Variants in ARHGEF10 observed in about 807,000 individuals in gnomAD.
The protein encoded by ARHGEF10 is Rho guanine nucleotide exchange factor (GEF) 10.
ARHGEF10 carries 140 observed loss-of-function variants against 147.4 expected under a neutral mutation model. That is an observed-to-expected ratio of 0.95 (90% confidence interval 0.83 to 1.09). ARHGEF10 has a LOEUF of 1.09. Ranked by LOEUF, ARHGEF10 falls within the 50% of genes least tolerant of loss-of-function variation. ARHGEF10 has a pLI of 0.00. For missense variants in ARHGEF10, 2,222 were observed against 1,752.7 expected (o/e 1.27, Z -4.78); for synonymous variants, 902 against 695.8 (o/e 1.30, Z -4.67).
chr8:1,889,632 T>C (rs1464107040), intron 11 of ARHGEF10, among the ~76,000 whole-genome samples: 49 of 47,952 alleles, frequency 1.0e-3, no homozygotes, highest in East Asian at 3.2e-3. Flanking sequence ...TGAGGAGTCA[T>C]GGAGTGTGGT....
At chr8:1,939,691 G>A (rs988012317) in intron 26 of ARHGEF10, among the ~76,000 whole-genome samples, 1 of 152,252 alleles carries the variant, frequency 6.6e-6, no homozygotes, top group Non-Finnish European at 1.5e-5. Flanking sequence ...ACCTCAGAGA[G>A]GGAGAGATGC....
At chr8:1,836,030 A>C (rs1803557558) in intron 1 of ARHGEF10, among the ~76,000 whole-genome samples, 1 of 151,872 alleles carries the variant, frequency 6.6e-6, no homozygotes, top group Admixed American at 6.6e-5. Context: ...AAATACAAAA[A>C]ATTAGCCAGG....
intron 3 of ARHGEF10, among the ~76,000 whole-genome samples, chr8:1,859,616 A>G (rs1805923370): frequency 6.6e-6 from 1 of 151,490 alleles, no homozygotes; most frequent in Admixed American, 6.6e-5. Context: ...TGGTGAGGGG[A>G]GCAGCTGCCC....
At position 1,937,210 on chromosome 8, in the gene ARHGEF10, G is replaced by A. The variant is rs534264990; in HGVS notation, c.3222+3268G>A. ...ATCCATCTGACACTTCTTATTTCAC[G>A]TGCCCTGAGAATGAGAAGCCTTCAG... On this transcript the variant is annotated intron_variant, in intron 26 of 28. Transcript: ENST00000349830. This position sits in a 1 kb window ranked among gnomAD's most constrained non-coding sequence, Gnocchi z 4.9. Among the ~76,000 whole-genome samples the A allele has an allele frequency of 6.6e-5, 10 of 152,208 alleles. No individual in the cohort carries two copies. Among genetic ancestry groups the A allele is most frequent in the East Asian group, 5.8e-4 (3 of 5,170 alleles).
At chr8:1,884,556 G>A (rs1808496183) in intron 10 of ARHGEF10, among the ~76,000 whole-genome samples, 1 of 152,136 alleles carries the variant, frequency 6.6e-6, no homozygotes, top group African/African-American at 2.4e-5. Flanking sequence ...TCCTTCCCTG[G>A]CTGATCCGTT....
intron 27 of ARHGEF10, among the ~76,000 whole-genome samples, chr8:1,949,468 G>A (rs1434937152): frequency 6.6e-6 from 1 of 152,174 alleles, no homozygotes; most frequent in African/African-American, 2.4e-5. Context: ...CGGCGCCTCA[G>A]CTTTTAGGTT....
At chr8:1,901,285 G>T (rs1348368543) in intron 15 of ARHGEF10, among the ~76,000 whole-genome samples, 1 of 152,002 alleles carries the variant, frequency 6.6e-6, no homozygotes, top group Non-Finnish European at 1.5e-5. Context: ...GAGAGGCCTG[G>T]ACACCCTCTG....
Position 1,928,662 on chromosome 8 carries a change from T to G in ARHGEF10, c.2921+12T>G, listed in dbSNP as rs1229687356. On this transcript the variant is annotated intron_variant, in intron 24 of 28. Coordinates refer to ENST00000349830, the MANE Select transcript of ARHGEF10 (RefSeq NM_014629.4). ...ACGGAGGAGGGAAGGTAGGGCATGC[T>G]CACTGCGTTACAGAGAATTAGCAAG... The G allele has an allele frequency of 3.7e-6, 6 of 1,613,532 alleles. No individual in the cohort carries two copies. The highest frequency in any genetic ancestry group is 1.3e-5 in the African/African-American group (1 of 74,896).
intron 2 of ARHGEF10, among the ~76,000 whole-genome samples, chr8:1,851,926 AATT>A (rs1233118100): frequency 2.6e-5 from 4 of 151,856 alleles, no homozygotes; most frequent in East Asian, 3.9e-4. Flanking sequence ...AAAAAAAAAA[AATT>A]AATAACCAAA....
At chr8:1,915,725 C>G (rs1191079546) in intron 18 of ARHGEF10, among the ~76,000 whole-genome samples, 2 of 152,258 alleles carry the variant, frequency 1.3e-5, no homozygotes, top group Non-Finnish European at 2.9e-5. Flanking sequence ...ACACACCCTT[C>G]AAACTCTCTG....
At chr8:1,853,977 C>G (rs910975956) in intron 2 of ARHGEF10, among the ~76,000 whole-genome samples, 1 of 152,240 alleles carries the variant, frequency 6.6e-6, no homozygotes, top group Non-Finnish European at 1.5e-5. Context: ...ACGAGCTCAC[C>G]AGCAGACTGG....
intron 2 of ARHGEF10, among the ~76,000 whole-genome samples, chr8:1,848,972 C>G (rs1804761958): frequency 6.6e-6 from 1 of 152,146 alleles, no homozygotes; most frequent in East Asian, 1.9e-4. Flanking sequence ...TAATTCATAT[C>G]TTAGTACCGT....
chr8:1,877,818 C>T (rs559451297), intron 8 of ARHGEF10, among the ~76,000 whole-genome samples: 8 of 151,968 alleles, frequency 5.3e-5, no homozygotes, highest in African/African-American at 1.9e-4. Flanking sequence ...AGATGGAAGC[C>T]ACACGCAGTC....
intron 18 of ARHGEF10, among the ~76,000 whole-genome samples, chr8:1,922,347 G>T (rs1812359600): frequency 6.6e-6 from 1 of 151,944 alleles, no homozygotes; most frequent in South Asian, 2.1e-4. Flanking sequence ...TGGAAATGTG[G>T]TTCAGATTAA....
intron 13 of ARHGEF10, among the ~76,000 whole-genome samples, chr8:1,895,276 G>C (rs1004677209): frequency 2.0e-5 from 3 of 152,222 alleles, no homozygotes; most frequent in African/African-American, 7.2e-5. Flanking sequence ...ATTCTACCTA[G>C]ATGTAGAGGA....
rs578186837 is a variant in ARHGEF10, at chr8:1,945,674, G to A, written c.3397+19G>A. The A allele has an allele frequency of 8.1e-6, 13 of 1,614,066 alleles. No individual in the cohort carries two copies. The South Asian group carries it at 1.2e-4, about 15-fold the overall frequency. On this transcript the variant is annotated intron_variant, in intron 27 of 28. Coordinates refer to ENST00000349830, the MANE Select transcript of ARHGEF10 (RefSeq NM_014629.4). The stretch of plus-strand genomic sequence containing the variant: ...CTGCCAGGTAAGGGGACGGGACGGG[G>A]CCCAGGGATGGGACAGCAACCGGGG...
chr8:1,957,045 G>T lies in ARHGEF10; in HGVS notation c.3817G>T (p.Glu1273Ter). 2 of 1,613,814 alleles carry T rather than the reference G, an allele frequency of 1.2e-6. No individual in the cohort carries two copies. The highest frequency in any genetic ancestry group is 1.7e-6 in the Non-Finnish European group (2 of 1,179,944). Reference sequence around the variant, plus strand: ...CTTGTCTCACGGCTCCAGCTCTCTAGAGCACAGATCAGAGGACAGCACCAT... The same window carrying T: ...CTTGTCTCACGGCTCCAGCTCTCTATAGCACAGATCAGAGGACAGCACCAT... ...LSLSHGSSSLEHRSEDSTIYD... is the reference protein window; with the variant it reads ...LSLSHGSSSL The change falls in exon 29 of 29, where the codon GAG (glutamate) becomes TAG (stop). Residue 1273 changes from glutamate to a stop codon, truncating the protein, a stop_gained. Transcript: ENST00000349830. LOFTEE classifies it low-confidence loss of function (END_TRUNC).
rs117453650 is a variant in ARHGEF10 at position 1,937,696 on chromosome 8, A to T, written c.3222+3754A>T. On this transcript the variant is annotated intron_variant, in intron 26 of 28. Coordinates refer to ENST00000349830, the MANE Select transcript of ARHGEF10 (RefSeq NM_014629.4). The surrounding 1 kb of genome is among the most constrained non-coding windows in gnomAD (Gnocchi z 4.9). ...GCAGCCCACAGGACCTGAGCCCACA[A>T]GATTCGAGCCCTGGGTATGTGTCCG... Among the ~76,000 whole-genome samples the T allele has an allele frequency of 2.1e-4, 32 of 152,374 alleles. No homozygotes were observed. Among genetic ancestry groups the T allele is most frequent in the African/African-American group, 7.7e-4 (32 of 41,600 alleles).
At chr8:1,942,857 TG>T (rs149752102) in intron 26 of ARHGEF10, among the ~76,000 whole-genome samples, 24,638 of 152,068 alleles carry the variant, frequency 0.16, 1,970 homozygotes, top group Admixed American at 0.19. Context: ...TGTAGGATTT[TG>T]TTTATATGAA....
Sources: allele counts gnomAD v4.1 joint callset (sites outside exome capture counted in the v4.1 genomes callset), GRCh38; gene constraint gnomAD v4.1.1; non-coding constraint Gnocchi (gnomAD v3.1); transcripts MANE v1.5; gene names NCBI Gene and HGNC (gene_info 2026-07-23, HGNC 2026-07-21).